RANGAP1: variants seen among roughly 807,000 people sequenced by gnomAD.
RANGAP1 encodes the protein ran GTPase-activating protein 1.
A neutral mutation model predicts 63.5 loss-of-function variants in RANGAP1; 38 were observed. That is an observed-to-expected ratio of 0.60 (90% CI 0.46 to 0.78). The LOEUF (loss-of-function observed/expected upper bound fraction) is 0.78. Among genes scored for constraint, RANGAP1 ranks in the 30% least tolerant of loss-of-function variants. RANGAP1 has a pLI of 0.00. For synonymous variants in RANGAP1, 329 were observed against 310.5 expected (o/e 1.06, Z -0.63); for missense variants, 630 against 740.3 (o/e 0.85, Z 1.73).
chr22:41,246,842 G>A (rs2033070892), intron 15 of RANGAP1, among the ~76,000 whole-genome samples, 170 bp from the exon 16 acceptor site: 1 of 152,210 alleles, frequency 6.6e-6, no homozygotes, highest in Non-Finnish European at 1.5e-5. Context: ...GGAGGTGCGA[G>A]AGGCTCAGAG....
intron 12 of RANGAP1, among the ~76,000 whole-genome samples, chr22:41,252,048 G>A (rs763668803): frequency 2.0e-5 from 3 of 152,216 alleles, no homozygotes; most frequent in South Asian, 2.1e-4. Flanking sequence ...CAAAATAAGG[G>A]CTGGCCGGGC....
At chr22:41,261,359 G>A in intron 6 of RANGAP1, 87 bp downstream of exon 6, 1 of 1,576,022 alleles carries the variant, frequency 6.3e-7, no homozygotes, top group Middle Eastern at 1.7e-4. Flanking sequence ...TTGAGTGCCA[G>A]CCCTGGGATT....
intron 4 of RANGAP1, among the ~76,000 whole-genome samples, chr22:41,265,549 G>C (rs1321930602): frequency 6.6e-6 from 1 of 152,158 alleles, no homozygotes; most frequent in Non-Finnish European, 1.5e-5. Context: ...AGGAGGGAGG[G>C]AGGAACCACA....
chr22:41,246,529 AG>A lies in RANGAP1; in HGVS notation c.*73del, dbSNP rs2033042136. ...AGAGTCCTGTCCAAGGCAATGGCGTAGGCTGCGCCTCAGTTCATCCGAGTCC... is the reference window on the plus strand; with the variant it reads ...AGAGTCCTGTCCAAGGCAATGGCGTAGCTGCGCCTCAGTTCATCCGAGTCC... On this transcript the variant is annotated 3_prime_UTR_variant, in exon 16 of 16. Coordinates refer to ENST00000356244, the MANE Select transcript of RANGAP1 (RefSeq NM_002883.4). 2 of 1,442,426 alleles carry A rather than the reference AG, an allele frequency of 1.4e-6. No individual in the cohort carries two copies. The highest frequency in any genetic ancestry group is 1.9e-6 in the Non-Finnish European group (2 of 1,050,432). 89.4% of individuals were successfully genotyped at this position (1,442,426 alleles called of 1,614,324 possible).
intron 1 of RANGAP1, chr22:41,282,277 G>C (rs956643393): frequency 6.6e-6 from 1 of 152,216 alleles, no homozygotes; most frequent in East Asian, 1.9e-4. Flanking sequence ...TCCAGCCTGG[G>C]CAACAGCGGG....
Position 41,246,514 on chromosome 22 carries a change from C to A in RANGAP1, c.*89G>T. ...GCCCTGCCTGTGGCCAGAGTCCTGT[C>A]CAAGGCAATGGCGTAGGCTGCGCCT... On this transcript the variant is annotated 3_prime_UTR_variant, in exon 16 of 16. Transcript: ENST00000356244. 4 of 1,399,512 alleles carry A rather than the reference C, an allele frequency of 2.9e-6. No individual in the cohort carries two copies. The highest frequency in any genetic ancestry group is 9.9e-7 in the Non-Finnish European group (1 of 1,015,120). 86.7% of individuals were successfully genotyped at this position (1,399,512 alleles called of 1,614,324 possible).
chr22:41,266,026 C>T (rs539655172), intron 4 of RANGAP1, among the ~76,000 whole-genome samples: 15 of 152,220 alleles, frequency 9.9e-5, no homozygotes, highest in Admixed American at 3.9e-4. Flanking sequence ...CACAGTGAAA[C>T]CCCATCTCTA....
chr22:41,247,458 C>T (rs1378351547), intron 15 of RANGAP1, among the ~76,000 whole-genome samples: 1 of 151,956 alleles, frequency 6.6e-6, no homozygotes, highest in East Asian at 1.9e-4. Context: ...CTCAGGTGGT[C>T]CTCCTACCTC....
chr22:41,264,297 G>A (rs35445172), intron 5 of RANGAP1, among the ~76,000 whole-genome samples: 50,129 of 151,892 alleles, frequency 0.33, 8,882 homozygotes, highest in Admixed American at 0.51. Flanking sequence ...TGCCCCCCCT[G>A]AGCATATGCT....
intron 3 of RANGAP1, among the ~76,000 whole-genome samples, chr22:41,271,967 T>G (rs997996421): frequency 6.6e-6 from 1 of 152,168 alleles, no homozygotes; most frequent in African/African-American, 2.4e-5. Flanking sequence ...AGCCACTGCA[T>G]CTGTAGCAGG....
At position 41,246,544 on chromosome 22, in the gene RANGAP1, T is replaced by C; in HGVS notation, c.*59A>G. 1 of 1,470,656 alleles carries C rather than the reference T, an allele frequency of 6.8e-7. No individual in the cohort carries two copies. Among genetic ancestry groups the C allele is most frequent in the South Asian group, 1.2e-5 (1 of 82,304 alleles). The allele number at this position is 1,470,656 out of a possible 1,614,324, so 91.1% of individuals were successfully genotyped here. A position where few individuals can be genotyped will look rare whatever the true frequency, so the allele number is the denominator to read the frequency against. ...GCAATGGCGTAGGCTGCGCCTCAGT[T>C]CATCCGAGTCCCTCCCCAGCTCACT... On this transcript the variant is annotated 3_prime_UTR_variant, in exon 16 of 16. Coordinates refer to ENST00000356244, the MANE Select transcript of RANGAP1 (RefSeq NM_002883.4).
intron 6 of RANGAP1, among the ~76,000 whole-genome samples, chr22:41,260,102 T>C (rs1388248929): frequency 1.3e-5 from 2 of 152,130 alleles, no homozygotes; most frequent in African/African-American, 2.4e-5. Context: ...GTTTATTGTC[T>C]ACATTTATAA....
At chr22:41,292,272 C>G in the RANGAP1 span, among the ~76,000 whole-genome samples, 1 of 151,728 alleles carries the variant, frequency 6.6e-6, no homozygotes, top group African/African-American at 2.4e-5. Context: ...CTCAGCCTCC[C>G]GAGTAGCTGG....
chr22:41,268,211 G>T, intron 3 of RANGAP1, 55 bp from the exon 4 acceptor site: 1 of 1,380,182 alleles, frequency 7.2e-7, no homozygotes, highest in Non-Finnish European at 1.0e-6. Context: ...GAGGCCCATA[G>T]TGAAGCCTCA....
chr22:41,260,117 A>C (rs1196514441), intron 6 of RANGAP1, among the ~76,000 whole-genome samples: 1 of 152,142 alleles, frequency 6.6e-6, no homozygotes, highest in Admixed American at 6.5e-5. Flanking sequence ...TTATAATCAA[A>C]GGTCACACTA....
chr22:41,254,497 G>A lies in RANGAP1; in HGVS notation c.1074-3C>T, dbSNP rs2033691544. Reference sequence around the variant, plus strand: ...CCTCCTCCTCGTCCTCGTCATCACTGCAGAAAGAGCTGGCTGAAGCAGATC... The same window carrying A: ...CCTCCTCCTCGTCCTCGTCATCACTACAGAAAGAGCTGGCTGAAGCAGATC... On this transcript the variant is annotated splice_region_variant and splice_polypyrimidine_tract_variant and intron_variant, in intron 10 of 15. Coordinates refer to ENST00000356244, the MANE Select transcript of RANGAP1 (RefSeq NM_002883.4). 6.3e-7 allele frequency: 1 copy of A among 1,581,346 alleles called. No homozygotes were observed. Among genetic ancestry groups the A allele is most frequent in the South Asian group, 1.2e-5 (1 of 85,358 alleles).
chr22:41,247,777 C>G (rs887232093), intron 15 of RANGAP1, among the ~76,000 whole-genome samples: 3 of 152,224 alleles, frequency 2.0e-5, no homozygotes, highest in Admixed American at 6.5e-5. Flanking sequence ...TGGCCTGAAG[C>G]CAGTGAACAG....
At chr22:41,294,646 G>A in the RANGAP1 span, among the ~76,000 whole-genome samples, 1 of 143,678 alleles carries the variant, frequency 7.0e-6, no homozygotes, top group South Asian at 2.3e-4. Flanking sequence ...TGGGAAGTGA[G>A]GAGCATCTCT....
chr22:41,296,532 A>G, the RANGAP1 span, among the ~76,000 whole-genome samples: 1 of 151,976 alleles, frequency 6.6e-6, no homozygotes, highest in Admixed American at 6.6e-5. Flanking sequence ...CTATAATCCC[A>G]GCAACTCAGG....
Sources: gnomAD v4.1 joint callset for allele counts (sites outside exome capture counted in the v4.1 genomes callset) on GRCh38, gnomAD v4.1.1 for gene constraint, MANE v1.5 for transcripts, NCBI Gene and HGNC (gene_info 2026-07-23, HGNC 2026-07-21) for gene names.